The following TRAF3 variants were observed in gnomAD, a reference collection of about 807,000 sequenced individuals.
TRAF3 encodes the protein TNF receptor-associated factor 3.
In TRAF3, 13 loss-of-function variants were observed where a neutral mutation model predicts 62.3. The ratio of observed to expected loss-of-function variants is 0.21; its 90% CI spans 0.14 to 0.33. The LOEUF (loss-of-function observed/expected upper bound fraction) is 0.33, where lower values mean the gene tolerates loss of function less well. Ranked by LOEUF, TRAF3 falls within the 10% of genes least tolerant of loss-of-function variation. The probability of loss-of-function intolerance (pLI) is 1.00; values close to 1 mark genes in which losing one functional copy is unlikely to be tolerated. For missense variants in TRAF3, 440 were observed against 741.8 expected (o/e 0.59, Z 4.73); for synonymous variants, 269 against 283.4 (o/e 0.95, Z 0.51).
chr14:102,808,292 C>T (rs1400776423), intron 1 of TRAF3, among the ~76,000 whole-genome samples: 3 of 152,134 alleles, frequency 2.0e-5, no homozygotes, highest in African/African-American at 7.2e-5. Flanking sequence ...ACAGGCGAAT[C>T]ACCTGAGGTC....
At chr14:102,794,431 C>T (rs1595289397) in intron 1 of TRAF3, among the ~76,000 whole-genome samples, 1 of 152,246 alleles carries the variant, frequency 6.6e-6, no homozygotes, top group South Asian at 2.1e-4. Flanking sequence ...GATCCTCCCA[C>T]CTTGGCCTCC....
intron 1 of TRAF3, 98 bp from the exon 2 acceptor site, chr14:102,830,236 A>T (rs138036267): frequency 7.3e-4 from 111 of 152,378 alleles, no homozygotes; most frequent in African/African-American, 2.6e-3. Flanking sequence ...GAGCTTGAGG[A>T]TAGACTGGCC....
intron 6 of TRAF3, 104 bp from the exon 7 acceptor site, chr14:102,886,085 C>T (rs752609899): frequency 2.5e-5 from 24 of 965,758 alleles, no homozygotes; most frequent in Non-Finnish European, 2.9e-5. Flanking sequence ...TAGAGGACAG[C>T]GATGGTGAGC....
At chr14:102,837,458 T>A (rs1263789983) in intron 2 of TRAF3, among the ~76,000 whole-genome samples, 1 of 152,140 alleles carries the variant, frequency 6.6e-6, no homozygotes, top group Non-Finnish European at 1.5e-5. Flanking sequence ...AAACAATAAT[T>A]TAAATGATGT....
At chr14:102,899,317 C>T (rs757896487) in intron 10 of TRAF3, among the ~76,000 whole-genome samples, 7 of 152,160 alleles carry the variant, frequency 4.6e-5, no homozygotes, top group Non-Finnish European at 8.8e-5. Flanking sequence ...GGGAGCTGCA[C>T]GGGGCCAGGC....
chr14:102,904,670 C>T lies in TRAF3; in HGVS notation c.1136-543C>T, dbSNP rs770257053. ...GTAAAAATACAAAAAGTTAGCCGGG[C>T]ATGGTGGCGGGCGCCTGTAGTCCCA... On this transcript the variant is annotated intron_variant, in intron 11 of 11. Coordinates refer to ENST00000392745, the MANE Select transcript of TRAF3 (RefSeq NM_145725.3). Among the ~76,000 whole-genome samples, 16 of 151,828 alleles carry T rather than the reference C, an allele frequency of 1.1e-4. 1 individual carries two copies. The highest frequency in any genetic ancestry group is 3.3e-4 in the Admixed American group (5 of 15,234).
chr14:102,848,140 AG>A (rs1197888386), intron 2 of TRAF3, among the ~76,000 whole-genome samples: 1 of 152,162 alleles, frequency 6.6e-6, no homozygotes, highest in Non-Finnish European at 1.5e-5. Flanking sequence ...TTTCTCTAGG[AG>A]TTTGAAAGAA....
chr14:102,858,374 A>G (rs1490000561), intron 2 of TRAF3, among the ~76,000 whole-genome samples: 1 of 152,108 alleles, frequency 6.6e-6, no homozygotes, highest in Admixed American at 6.5e-5. Context: ...GCTGGTCTCG[A>G]ACTCCCAACC....
intron 1 of TRAF3, among the ~76,000 whole-genome samples, chr14:102,789,408 G>A (rs1004833681): frequency 2.0e-5 from 3 of 152,134 alleles, no homozygotes; most frequent in Admixed American, 1.3e-4. Flanking sequence ...CGGTAATATC[G>A]TGTTTAACTT....
At chr14:102,805,736 C>T (rs564739768) in intron 1 of TRAF3, among the ~76,000 whole-genome samples, 7 of 152,272 alleles carry the variant, frequency 4.6e-5, no homozygotes, top group South Asian at 4.1e-4. Context: ...TCAGCTAGAG[C>T]GTGAGGCAGT....
At chr14:102,797,837 A>G (rs547497425) in intron 1 of TRAF3, among the ~76,000 whole-genome samples, 70 of 151,642 alleles carry the variant, frequency 4.6e-4, no homozygotes, top group Non-Finnish European at 9.0e-4. Flanking sequence ...ACCCAGGTTC[A>G]AGCGATTCTC....
chr14:102,835,620 G>A (rs1214358866), intron 2 of TRAF3, among the ~76,000 whole-genome samples: 1 of 152,148 alleles, frequency 6.6e-6, no homozygotes, highest in Non-Finnish European at 1.5e-5. Context: ...GTTGGGAGCT[G>A]GAGGCCATTA....
Position 102,881,700 on chromosome 14 carries a change from T to C in TRAF3, c.571-4489T>C, listed in dbSNP as rs149828871. Among the ~76,000 whole-genome samples, 524 of 152,318 alleles carry C rather than the reference T, an allele frequency of 3.4e-3. 1 individual carries two copies. Among genetic ancestry groups the C allele is most frequent in the African/African-American group, 0.012 (500 of 41,568 alleles). ...CCACCATGGCACACATTTACCTGTG[T>C]AACAAACCCACGCATCTTGCACATG... On this transcript the variant is annotated intron_variant, in intron 6 of 11. Coordinates refer to ENST00000392745, the MANE Select transcript of TRAF3 (RefSeq NM_145725.3).
intron 2 of TRAF3, among the ~76,000 whole-genome samples, chr14:102,850,462 C>T (rs374462000): frequency 6.6e-6 from 1 of 151,876 alleles, no homozygotes; most frequent in Admixed American, 6.6e-5. Context: ...TTTGGGAGGC[C>T]GAGATGGGTG....
At chr14:102,795,253 G>A (rs2139430110) in intron 1 of TRAF3, among the ~76,000 whole-genome samples, 1 of 152,310 alleles carries the variant, frequency 6.6e-6, no homozygotes, top group East Asian at 1.9e-4. Flanking sequence ...AACATGATGA[G>A]GTCACAGAGA....
intron 2 of TRAF3, among the ~76,000 whole-genome samples, chr14:102,834,959 T>C (rs748299770): frequency 1.5e-4 from 23 of 150,534 alleles, no homozygotes; most frequent in Non-Finnish European, 3.1e-4. Flanking sequence ...AGAGTAAACA[T>C]ACATCTTACA....
At chr14:102,846,396 A>T (rs76515739) in intron 2 of TRAF3, among the ~76,000 whole-genome samples, 2,968 of 152,254 alleles carry the variant, frequency 0.019, 88 homozygotes, top group African/African-American at 0.067. Context: ...GCAAGACAAG[A>T]ATATATGTAG....
At chr14:102,852,928 CT>C (rs1887133364) in intron 2 of TRAF3, among the ~76,000 whole-genome samples, 1 of 152,004 alleles carries the variant, frequency 6.6e-6, no homozygotes, top group African/African-American at 2.4e-5. Context: ...GAGTCTCACT[CT>C]GTCGCCCAGG....
At chr14:102,851,703 C>G (rs578158435) in intron 2 of TRAF3, among the ~76,000 whole-genome samples, 2 of 152,206 alleles carry the variant, frequency 1.3e-5, no homozygotes, top group East Asian at 3.9e-4. Context: ...GAGATGGCGC[C>G]ACTGCACTCC....
Sources: gnomAD v4.1 joint callset for allele counts (sites outside exome capture counted in the v4.1 genomes callset) on GRCh38, gnomAD v4.1.1 for gene constraint, MANE v1.5 for transcripts, NCBI Gene and HGNC (gene_info 2026-07-23, HGNC 2026-07-21) for gene names.